Variants in SFMBT1 observed in about 807,000 individuals in gnomAD.
The protein encoded by SFMBT1 is Scm like with four mbt domains 1, also known as scm-like with four MBT domains protein 1.
SFMBT1 carries 32 observed loss-of-function variants against 108.7 expected under a neutral mutation model. The observed-to-expected ratio is 0.29, with a 90% CI of 0.22 to 0.40. SFMBT1 has a LOEUF of 0.40. Ranked by LOEUF, SFMBT1 falls within the 10% of genes least tolerant of loss-of-function variation. SFMBT1 has a pLI of 1.00. For missense variants in SFMBT1, 816 were observed against 1,059.6 expected (o/e 0.77, Z 3.19); for synonymous variants, 348 against 369.5 (o/e 0.94, Z 0.67).
chr3:52,969,177 C>T lies in SFMBT1; in HGVS notation c.-49G>A. The stretch of plus-strand genomic sequence containing the variant: ...TATCCTCCCAAAACAAAGGAAAGGC[C>T]TATGGTTCTGCTAGGATCTGAAGAT... On this transcript the variant is annotated 5_prime_UTR_variant, in exon 2 of 21. Coordinates refer to ENST00000394752, the MANE Select transcript of SFMBT1 (RefSeq NM_016329.4). 1 of 1,611,868 alleles carries T rather than the reference C, an allele frequency of 6.2e-7. No homozygotes were observed. The highest frequency in any genetic ancestry group is 1.1e-5 in the South Asian group (1 of 90,684).
chr3:52,984,517 T>C (rs1704834457), intron 1 of SFMBT1, among the ~76,000 whole-genome samples: 1 of 152,088 alleles, frequency 6.6e-6, no homozygotes, highest in Admixed American at 6.6e-5. Context: ...CAGTAATTTA[T>C]GCTGCCTTGT....
At chr3:52,952,002 T>A (rs1392192263) in intron 3 of SFMBT1, among the ~76,000 whole-genome samples, 1 of 152,180 alleles carries the variant, frequency 6.6e-6, no homozygotes, top group African/African-American at 2.4e-5. Flanking sequence ...GAGATATAAA[T>A]GAACAAAGAA....
At position 52,954,364 on chromosome 3, in the gene SFMBT1, G is replaced by A; in HGVS notation, c.76C>T (p.Leu26=). Residue 26 remains leucine (L), a synonymous_variant, in exon 3 of 21, where the codon CTA becomes TTA. Transcript: ENST00000394752. ...EEVELSWEDY[L]EETGSTAVPY... is the part of the protein sequence containing the mutation. Reference sequence around the variant, plus strand: ...ACTGCTGTGGACCCTGTTTCTTCTAGATAATCTTCCCAGCTTAATTCTACC... The same window carrying A: ...ACTGCTGTGGACCCTGTTTCTTCTAAATAATCTTCCCAGCTTAATTCTACC... 1 of 1,613,856 alleles carries A rather than the reference G, an allele frequency of 6.2e-7. No individual in the cohort carries two copies. The highest frequency in any genetic ancestry group is 8.5e-7 in the Non-Finnish European group (1 of 1,179,934).
rs1233374786 is a variant in SFMBT1 at position 52,907,706 on chromosome 3, T to C, written c.1934A>G (p.Lys645Arg). 6.2e-7 allele frequency: 1 copy of C among 1,610,648 alleles called. No individual in the cohort carries two copies. The change falls in exon 18 of 21, where the codon AAA (lysine) becomes AGA (arginine). Residue 645 changes from lysine (K) to arginine (R), a missense_variant. Lys to Arg is a conservative substitution (Grantham distance 26, BLOSUM62 2). Around this residue, in one of 5 missense-constraint regions of SFMBT1, gnomAD observed 177 missense variants for 182.0 expected, o/e 0.97. Coordinates refer to ENST00000394752, the MANE Select transcript of SFMBT1 (RefSeq NM_016329.4). The stretch of plus-strand genomic sequence containing the variant: ...CCCACCAGGTGGCCTCCCAATTCTT[T>C]TATTTTTCTTCTTTCCGTAATAGTG... The part of the protein sequence containing the change: ...YTHYYGKKKN[K>R]RIGRPPGGHS...
chr3:52,921,597 G>T, intron 11 of SFMBT1, 108 bp downstream of exon 11: 1 of 1,213,522 alleles, frequency 8.2e-7, no homozygotes, highest in Non-Finnish European at 1.1e-6. Context: ...CTCTGAACAA[G>T]ATCCCTATTT....
chr3:52,910,732 G>A (rs987354825), intron 17 of SFMBT1, among the ~76,000 whole-genome samples: 6 of 151,938 alleles, frequency 3.9e-5, no homozygotes, highest in Admixed American at 1.3e-4. Context: ...CAAGTGATCC[G>A]CCTGCCTCGG....
At chr3:52,935,035 G>T in intron 4 of SFMBT1, 134 bp from the exon 5 acceptor site, 1 of 682,136 alleles carries the variant, frequency 1.5e-6, no homozygotes, top group Non-Finnish European at 2.4e-6. Flanking sequence ...TTGAGAGCTT[G>T]AAAAGATAAA....
At chr3:53,025,312 T>C (rs1486450457) in intron 1 of SFMBT1, among the ~76,000 whole-genome samples, 2 of 152,296 alleles carry the variant, frequency 1.3e-5, no homozygotes, top group Admixed American at 1.3e-4. Flanking sequence ...TCTTCAAGCA[T>C]CAAAACATAT....
chr3:52,945,151 A>AAAAAAAAAAAAAAAAAAAAAC (rs1208407962), intron 3 of SFMBT1, among the ~76,000 whole-genome samples: 9 of 148,576 alleles, frequency 6.1e-5, no homozygotes, highest in African/African-American at 2.0e-4. Context: ...AAAAAAAAAA[A>AAAAAAAAAAAAAAAAAAAAAC]CAAGGACTTC....
intron 1 of SFMBT1, among the ~76,000 whole-genome samples, chr3:53,022,313 G>A (rs1252506219): frequency 1.3e-4 from 19 of 151,946 alleles, no homozygotes; most frequent in Admixed American, 1.2e-3. Flanking sequence ...AGCTGAACAT[G>A]GTGGCATGCG....
intron 1 of SFMBT1, among the ~76,000 whole-genome samples, chr3:53,013,469 G>A (rs890066802): frequency 6.6e-6 from 1 of 150,992 alleles, no homozygotes; most frequent in Non-Finnish European, 1.5e-5. Context: ...ACTGCTAGCT[G>A]GAATCAACTT....
intron 4 of SFMBT1, among the ~76,000 whole-genome samples, chr3:52,936,100 G>A (rs1398809743): frequency 6.6e-6 from 1 of 152,212 alleles, no homozygotes; most frequent in Non-Finnish European, 1.5e-5. Context: ...AGCATGAAGA[G>A]GCACATATGG....
intron 2 of SFMBT1, among the ~76,000 whole-genome samples, chr3:52,957,308 C>T (rs1322610226): frequency 6.6e-6 from 1 of 152,010 alleles, no homozygotes; most frequent in African/African-American, 2.4e-5. Flanking sequence ...AACCACTGCT[C>T]GAGGAAATGA....
intron 1 of SFMBT1, among the ~76,000 whole-genome samples, chr3:52,981,861 C>T (rs745788920): frequency 2.0e-5 from 3 of 152,034 alleles, no homozygotes; most frequent in Non-Finnish European, 4.4e-5. Flanking sequence ...CCCCACGCCT[C>T]GAAGGGAAAA....
chr3:52,930,875 C>T, intron 7 of SFMBT1, 66 bp downstream of exon 7: 1 of 1,348,622 alleles, frequency 7.4e-7, no homozygotes, highest in Admixed American at 1.7e-5. Flanking sequence ...TACACTTTCA[C>T]CTCCTGCGTT....
chr3:52,952,763 C>T (rs1703637285), intron 3 of SFMBT1, among the ~76,000 whole-genome samples: 2 of 152,190 alleles, frequency 1.3e-5, no homozygotes, highest in South Asian at 4.1e-4. Flanking sequence ...AATCACCTCT[C>T]CAAGGCCCCA....
At position 52,969,089 on chromosome 3, in the gene SFMBT1, T is replaced by G; in HGVS notation, c.28+12A>C. ...CATCCTAGAGAATAAATTCTGAGAA[T>G]AAAACCAATACCTGCATCAAGCTGC... On this transcript the variant is annotated intron_variant, in intron 2 of 20. Transcript: ENST00000394752. The G allele has an allele frequency of 1.2e-6, 2 of 1,613,810 alleles. No individual in the cohort carries two copies. The highest frequency in any genetic ancestry group is 1.7e-6 in the Non-Finnish European group (2 of 1,179,906).
At chr3:53,014,330 C>T (rs951698243) in intron 1 of SFMBT1, among the ~76,000 whole-genome samples, 2 of 152,084 alleles carry the variant, frequency 1.3e-5, no homozygotes, top group Non-Finnish European at 2.9e-5. Flanking sequence ...TTAGGTGAGG[C>T]GCAGCGGCTC....
At position 52,962,808 on chromosome 3, in the gene SFMBT1, C is replaced by CAAAA. The variant is rs369325114; in HGVS notation, c.28+6289_28+6292dup. ...GGTGACAGAGCAAGGCTCCCTGTCT[C>CAAAA]AAAAAAAAAAAAAAAAGGAGAGGGA... On this transcript the variant is annotated intron_variant, in intron 2 of 20. Transcript: ENST00000394752. 4.3e-3 allele frequency among the ~76,000 whole-genome samples: 435 copies of CAAAA among 101,228 alleles called. 18 individuals are homozygous for CAAAA. The highest frequency in any genetic ancestry group is 0.012 in the Middle Eastern group (2 of 166). 66.4% of individuals were successfully genotyped at this position (101,228 alleles called of 152,430 possible). A position where few individuals can be genotyped will look rare whatever the true frequency, so the allele number is the denominator to read the frequency against.
Sources: allele counts gnomAD v4.1 joint callset (sites outside exome capture counted in the v4.1 genomes callset), GRCh38; gene constraint gnomAD v4.1.1; regional missense constraint gnomAD v4.1.1; transcripts MANE v1.5; gene names NCBI Gene and HGNC (gene_info 2026-07-23, HGNC 2026-07-21).